ITSN1: variants seen among roughly 807,000 people sequenced by gnomAD.
The protein encoded by ITSN1 is intersectin 1.
ITSN1 carries 58 observed loss-of-function variants against 239.8 expected under a neutral mutation model. That is an observed-to-expected ratio of 0.24 (90% CI 0.20 to 0.30). The LOEUF is 0.30. ITSN1 is among the 10% of genes least tolerant of loss of function. The pLI is 1.00. For synonymous variants in ITSN1, 780 were observed against 770.8 expected (o/e 1.01, Z -0.20); for missense variants, 1,558 against 2,103.3 (o/e 0.74, Z 5.07).
intron 1 of ITSN1, among the ~76,000 whole-genome samples, chr21:33,664,118 A>C (rs559375210): frequency 1.3e-5 from 2 of 152,324 alleles, no homozygotes; most frequent in African/African-American, 4.8e-5. Context: ...GTGTTGCTGT[A>C]ATAGAATATC....
intron 1 of ITSN1, among the ~76,000 whole-genome samples, chr21:33,690,545 A>G (rs943515909): frequency 6.7e-6 from 1 of 150,274 alleles, no homozygotes; most frequent in Non-Finnish European, 1.5e-5. Flanking sequence ...GCTTGCAGTG[A>G]GCCAAGATCG....
chr21:33,794,302 C>G, intron 16 of ITSN1, 39 bp from the exon 17 acceptor site: 5 of 1,422,248 alleles, frequency 3.5e-6, no homozygotes, highest in Non-Finnish European at 4.9e-6. Flanking sequence ...GTACCTGTCA[C>G]TCATGTCGCT....
intron 1 of ITSN1, among the ~76,000 whole-genome samples, chr21:33,670,948 T>G (rs2090236348): frequency 6.6e-6 from 1 of 152,220 alleles, no homozygotes; most frequent in South Asian, 2.1e-4. Context: ...GTCTTTTGAT[T>G]TATGTGGTAA....
chr21:33,822,339 G>A (rs546421723), intron 24 of ITSN1, among the ~76,000 whole-genome samples: 14 of 152,260 alleles, frequency 9.2e-5, no homozygotes, highest in African/African-American at 3.1e-4. Context: ...CACGAGGCTC[G>A]ACATTAAAGG....
At position 33,797,742 on chromosome 21, in the gene ITSN1, A is replaced by T; in HGVS notation, c.2182+134A>T. The T allele has an allele frequency of 1.5e-6, 1 of 680,786 alleles. No homozygotes were observed. The highest frequency in any genetic ancestry group is 2.5e-6 in the Non-Finnish European group (1 of 396,210). The allele number at this position is 680,786 out of a possible 1,614,324, so 42.2% of individuals were successfully genotyped here. ...AGAACGTCAGTCTCTTATTTTGAGC[A>T]TGGCCAGCTCTTCTTTCCCCAGGGT... On this transcript the variant is annotated intron_variant, in intron 18 of 39. Transcript: ENST00000381318. The surrounding 1 kb of genome is among the most constrained non-coding windows in gnomAD (Gnocchi z 4.9).
intron 19 of ITSN1, among the ~76,000 whole-genome samples, chr21:33,800,516 C>G (rs2071909690): frequency 6.6e-6 from 1 of 152,034 alleles, no homozygotes. Context: ...ATTATGTGAA[C>G]TTTTAATTAT....
rs10529259 is a variant in ITSN1 at position 33,877,059 on chromosome 21, C to CTTTTTTTTT, written c.4341+1542_4341+1550dup. Among the ~76,000 whole-genome samples the CTTTTTTTTT allele has an allele frequency of 2.5e-3, 271 of 106,384 alleles. 48 individuals carry two copies. The highest frequency in any genetic ancestry group is 0.012 in the Middle Eastern group (2 of 162). 69.8% of individuals were successfully genotyped at this position (106,384 alleles called of 152,430 possible). ...TCCTTAGAACTTTACCTGTGGGCACCTTTTTTTTTTTTGAAATGGAGTCTC... is the reference window on the plus strand; with the variant it reads ...TCCTTAGAACTTTACCTGTGGGCACCTTTTTTTTTTTTTTTTTTTTTGAAATGGAGTCTC... On this transcript the variant is annotated intron_variant, in intron 34 of 39. Coordinates refer to ENST00000381318, the MANE Select transcript of ITSN1 (RefSeq NM_003024.3).
In ITSN1 at chr21:33,819,951, C is replaced by T. The variant is rs145985508; in HGVS notation, c.3016+628C>T. On this transcript the variant is annotated intron_variant, in intron 24 of 39. Coordinates refer to ENST00000381318, the MANE Select transcript of ITSN1 (RefSeq NM_003024.3). ...GAGCCGAGATTGCGCCACTGCAGTC[C>T]GCAGTCCGGCCTGGGCGACAGAGCG... is the stretch of plus-strand genomic sequence containing the variant. Among the ~76,000 whole-genome samples the T allele has an allele frequency of 4.8e-3, 733 of 152,000 alleles. 4 individuals are homozygous for T. Among genetic ancestry groups the T allele is most frequent in the African/African-American group, 0.016 (677 of 41,462 alleles).
intron 1 of ITSN1, among the ~76,000 whole-genome samples, chr21:33,685,037 G>C (rs1170249721): frequency 2.0e-5 from 3 of 152,116 alleles, no homozygotes; most frequent in Non-Finnish European, 4.4e-5. Flanking sequence ...TTAACTCTCA[G>C]CTAATCTTGT....
At chr21:33,811,642 T>C (rs1286388945) in intron 21 of ITSN1, among the ~76,000 whole-genome samples, 1 of 152,242 alleles carries the variant, frequency 6.6e-6, no homozygotes, top group Non-Finnish European at 1.5e-5. Flanking sequence ...TGGTTCTGAA[T>C]AAGATAGAAA....
chr21:33,883,893 A>AG (rs1348234079), intron 36 of ITSN1, among the ~76,000 whole-genome samples: 7 of 92,004 alleles, frequency 7.6e-5, no homozygotes, highest in African/African-American at 2.4e-4. Context: ...ATTTTGCTTG[A>AG]GTTTTTTTTT....
At position 33,836,337 on chromosome 21, in the gene ITSN1, T is replaced by C. The variant is rs2074601489; in HGVS notation, c.3470-104T>C. ...AGTTCCACCTACTGTCACCCTCTTC[T>C]GAAAGGACAGAAATAGTAGCTGGGA... On this transcript the variant is annotated intron_variant, in intron 28 of 39. Transcript: ENST00000381318. 3.8e-6 allele frequency: 3 copies of C among 794,642 alleles called. No homozygotes were observed. In the South Asian group the frequency reaches 7.9e-5, roughly 21 times the overall value. The allele number at this position is 794,642 out of a possible 1,614,324, so 49.2% of individuals were successfully genotyped here.
chr21:33,836,307 A>T, intron 28 of ITSN1, 134 bp from the exon 29 acceptor site: 1 of 548,220 alleles, frequency 1.8e-6, no homozygotes, highest in South Asian at 4.7e-5. Context: ...AAAGCCCAAC[A>T]GAACAGTTCC....
chr21:33,669,828 A>T (rs1051456280), intron 1 of ITSN1, among the ~76,000 whole-genome samples: 5 of 151,510 alleles, frequency 3.3e-5, no homozygotes, highest in Non-Finnish European at 7.4e-5. Flanking sequence ...TGGTGTTGAG[A>T]TCTCTCTTGA....
intron 29 of ITSN1, among the ~76,000 whole-genome samples, chr21:33,849,591 G>A (rs1220755179): frequency 6.7e-6 from 1 of 149,016 alleles, no homozygotes; most frequent in Non-Finnish European, 1.5e-5. Flanking sequence ...AAAAGACCTA[G>A]TATTTGATAC....
chr21:33,692,132 A>C (rs919664418), intron 1 of ITSN1, among the ~76,000 whole-genome samples: 10 of 152,160 alleles, frequency 6.6e-5, no homozygotes, highest in African/African-American at 2.4e-4. Flanking sequence ...AGGGGACTGG[A>C]GGAGGTTGCG....
chr21:33,848,210 T>C (rs760475975), intron 29 of ITSN1, among the ~76,000 whole-genome samples: 1 of 152,238 alleles, frequency 6.6e-6, no homozygotes, highest in Admixed American at 6.5e-5. Flanking sequence ...AGATAAATTC[T>C]TTAAAGAGGT....
chr21:33,709,581 C>T (rs2092354250), intron 1 of ITSN1, among the ~76,000 whole-genome samples: 1 of 152,284 alleles, frequency 6.6e-6, no homozygotes, highest in Admixed American at 6.5e-5. Context: ...CGCGCCCAGC[C>T]TGTCTTTTGT....
At chr21:33,726,362 A>G (rs1243122283) in intron 4 of ITSN1, among the ~76,000 whole-genome samples, 3 of 151,658 alleles carry the variant, frequency 2.0e-5, no homozygotes, top group African/African-American at 7.3e-5. Flanking sequence ...CAACCCCCAT[A>G]CTATTTTTAT....
Sources: allele counts gnomAD v4.1 joint callset (sites outside exome capture counted in the v4.1 genomes callset), GRCh38; gene constraint gnomAD v4.1.1; non-coding constraint Gnocchi (gnomAD v3.1); transcripts MANE v1.5; gene names NCBI Gene and HGNC (gene_info 2026-07-23, HGNC 2026-07-21).